Variants in GUCY1A2 observed in about 807,000 individuals in gnomAD.
GUCY1A2 encodes the protein guanylate cyclase 1 soluble subunit alpha 2, also known as guanylate cyclase soluble subunit alpha-2.
A neutral mutation model predicts 63.5 loss-of-function variants in GUCY1A2; 27 were observed. The ratio of observed to expected loss-of-function variants is 0.43; its 90% CI spans 0.31 to 0.59. The LOEUF (loss-of-function observed/expected upper bound fraction) is 0.59, where lower values mean the gene tolerates loss of function less well. GUCY1A2 is among the 20% of genes least tolerant of loss of function. The pLI is 0.11. For missense variants in GUCY1A2, 768 were observed against 913.3 expected, an observed-to-expected ratio of 0.84 and a Z score of 2.05; for synonymous variants, 364 against 343.5, an observed-to-expected ratio of 1.06 and a Z score of -0.66.
intron 5 of GUCY1A2, among the ~76,000 whole-genome samples, chr11:106,805,015 ATATGAACTTTG>A (rs960371629): frequency 5.3e-5 from 8 of 152,112 alleles, no homozygotes; most frequent in African/African-American, 9.7e-5. Flanking sequence ...TTCCTTGCCA[ATATGAACTTTG>A]TGTTGTTGTT....
At chr11:106,743,343 C>T (rs1863730756) in intron 6 of GUCY1A2, among the ~76,000 whole-genome samples, 2 of 152,196 alleles carry the variant, frequency 1.3e-5, no homozygotes, top group Non-Finnish European at 2.9e-5. Flanking sequence ...TGTGGGGCTT[C>T]TATTAGCTCC....
chr11:106,764,984 G>T (rs919617015), intron 6 of GUCY1A2, among the ~76,000 whole-genome samples: 1 of 88,476 alleles, frequency 1.1e-5, no homozygotes, highest in Non-Finnish European at 2.4e-5. Flanking sequence ...GGGGGGTTGG[G>T]GGGCAGGAAT....
intron 4 of GUCY1A2, among the ~76,000 whole-genome samples, chr11:106,877,124 T>C (rs1859760919): frequency 6.6e-6 from 1 of 152,054 alleles, no homozygotes; most frequent in African/African-American, 2.4e-5. Context: ...GGCTTTCAGC[T>C]TGACTACTGT....
intron 1 of GUCY1A2, among the ~76,000 whole-genome samples, chr11:107,010,172 C>A (rs1293868706): frequency 6.6e-6 from 1 of 152,132 alleles, no homozygotes; most frequent in Non-Finnish European, 1.5e-5. Flanking sequence ...TCCCGCCTTC[C>A]AAGATATTTC....
intron 4 of GUCY1A2, among the ~76,000 whole-genome samples, chr11:106,915,607 T>C (rs1860360416): frequency 8.6e-6 from 1 of 116,198 alleles, no homozygotes; most frequent in African/African-American, 2.6e-5. Context: ...TTCAAGAACA[T>C]GAAGGAAACA....
At chr11:107,016,386 T>C (rs185725378) in intron 1 of GUCY1A2, among the ~76,000 whole-genome samples, 295 of 152,330 alleles carry the variant, frequency 1.9e-3, no homozygotes, top group African/African-American at 6.6e-3. Flanking sequence ...GTGGATTTCT[T>C]TAAAACAGAG....
intron 4 of GUCY1A2, among the ~76,000 whole-genome samples, chr11:106,861,616 C>A (rs764206113): frequency 2.0e-5 from 3 of 152,026 alleles, no homozygotes; most frequent in Non-Finnish European, 4.4e-5. Flanking sequence ...ATAAATACAT[C>A]CCTAATTCTG....
chr11:106,750,969 CAG>C (rs1345045942), intron 6 of GUCY1A2, among the ~76,000 whole-genome samples: 1 of 151,922 alleles, frequency 6.6e-6, no homozygotes, highest in African/African-American at 2.4e-5. Context: ...ATTTTTAGCT[CAG>C]AAATTTAATC....
chr11:106,824,250 T>C, intron 4 of GUCY1A2: 5 of 789,796 alleles, frequency 6.3e-6, no homozygotes, highest in Non-Finnish European at 8.8e-6. Flanking sequence ...GGGATGCTTT[T>C]CTGTCATATT....
intron 4 of GUCY1A2, among the ~76,000 whole-genome samples, chr11:106,888,238 C>T (rs1859925083): frequency 1.3e-5 from 2 of 151,800 alleles, no homozygotes; most frequent in Admixed American, 1.3e-4. Flanking sequence ...GCGGGTGGAT[C>T]ATGAGGTCAG....
chr11:106,945,831 G>A (rs1439609186), intron 3 of GUCY1A2, among the ~76,000 whole-genome samples: 1 of 152,186 alleles, frequency 6.6e-6, no homozygotes, highest in Non-Finnish European at 1.5e-5. Context: ...GGGCATGGTG[G>A]CGCATGCCTA....
At chr11:106,784,127 C>T (rs549917756) in intron 5 of GUCY1A2, among the ~76,000 whole-genome samples, 2 of 152,168 alleles carry the variant, frequency 1.3e-5, no homozygotes, top group Non-Finnish European at 2.9e-5. Flanking sequence ...ATTTCTTCCT[C>T]CACCAGCATC....
chr11:106,917,272 G>A lies in GUCY1A2; in HGVS notation c.1206+22188C>T, dbSNP rs769352451. On this transcript the variant is annotated intron_variant, in intron 4 of 7. Coordinates refer to ENST00000526355, the MANE Select transcript of GUCY1A2 (RefSeq NM_000855.3). ...AGACGAAACAAGCAGCATATTCAAA[G>A]GCCCTGTGGCAACCAGAAGGAGCTT... Among the ~76,000 whole-genome samples the A allele has an allele frequency of 5.5e-5, 8 of 144,770 alleles. 1 individual carries two copies. Among genetic ancestry groups the A allele is most frequent in the Non-Finnish European group, 1.2e-4 (8 of 64,584 alleles). 95.0% of individuals were successfully genotyped at this position (144,770 alleles called of 152,430 possible).
In GUCY1A2 at chr11:106,773,088, A is replaced by C. The variant is rs1864286014; in HGVS notation, c.1836+3351T>G. Among the ~76,000 whole-genome samples the C allele has an allele frequency of 3.3e-5, 5 of 152,202 alleles. No homozygotes were observed. The South Asian group carries it at 1.0e-3, about 31-fold the overall frequency. Reference sequence around the variant, plus strand: ...TATTAAAGAAGAGTAATAAAATAAAAAATTTTATACTATGTTTATCTTCCC... The same window carrying C: ...TATTAAAGAAGAGTAATAAAATAAACAATTTTATACTATGTTTATCTTCCC... On this transcript the variant is annotated intron_variant, in intron 6 of 7. Transcript: ENST00000526355.
chr11:106,936,600 G>A (rs1157148581), intron 4 of GUCY1A2: 2 of 976,716 alleles, frequency 2.0e-6, no homozygotes, highest in South Asian at 1.5e-5. Context: ...AGGAAACCAA[G>A]TGATAGAATC....
At position 106,687,283 on chromosome 11, in the gene GUCY1A2, C is replaced by A; in HGVS notation, c.*266G>T. On this transcript the variant is annotated 3_prime_UTR_variant, in exon 8 of 8. Coordinates refer to ENST00000526355, the MANE Select transcript of GUCY1A2 (RefSeq NM_000855.3). The stretch of plus-strand genomic sequence containing the variant: ...TTATTGGTTAGTTCTGAAAGGGGAC[C>A]CACACTTGTAATTAAAATATATGTG... The A allele has an allele frequency of 2.6e-6, 1 of 379,560 alleles. No homozygotes were observed. The allele number at this position is 379,560 out of a possible 1,614,324, so 23.5% of individuals were successfully genotyped here.
intron 4 of GUCY1A2, among the ~76,000 whole-genome samples, chr11:106,835,724 A>G (rs1859108013): frequency 6.6e-6 from 1 of 151,958 alleles, no homozygotes; most frequent in African/African-American, 2.4e-5. Flanking sequence ...CAATGGAATA[A>G]TATTTTCAAT....
chr11:106,876,860 A>G (rs1033980144), intron 4 of GUCY1A2, among the ~76,000 whole-genome samples: 4 of 152,098 alleles, frequency 2.6e-5, no homozygotes, highest in African/African-American at 9.7e-5. Context: ...TCCCCAAAAG[A>G]TATCCCAGTC....
At chr11:106,783,198 A>G (rs1276942232) in intron 5 of GUCY1A2, among the ~76,000 whole-genome samples, 1 of 152,212 alleles carries the variant, frequency 6.6e-6, no homozygotes, top group Non-Finnish European at 1.5e-5. Context: ...CATGTAGATG[A>G]AAGAATGCAG....
Sources: gnomAD v4.1 joint callset for allele counts (sites outside exome capture counted in the v4.1 genomes callset) on GRCh38, gnomAD v4.1.1 for gene constraint, MANE v1.5 for transcripts, NCBI Gene and HGNC (gene_info 2026-07-23, HGNC 2026-07-21) for gene names.